LOC112694756: variants seen among roughly 807,000 people sequenced by gnomAD.
the LOC112694756 span, chr16:30,059,104 G>A: frequency 2.5e-6 from 1 of 398,126 alleles, no homozygotes; most frequent in Admixed American, 4.4e-5. Flanking sequence ...ACTGAGGTCT[G>A]GGCTGGGGCT....
the LOC112694756 span, among the ~76,000 whole-genome samples, chr16:30,054,255 G>A: frequency 6.6e-6 from 1 of 150,706 alleles, no homozygotes; most frequent in Non-Finnish European, 1.5e-5. Context: ...GGGTGGCAGA[G>A]GTTGCATGAA....
chr16:30,068,751 G>C, the LOC112694756 span: 1 of 1,614,158 alleles, frequency 6.2e-7, no homozygotes. Flanking sequence ...AGCAGGTTTG[G>C]GTGCTGGGAG....
At chr16:30,055,389 A>G in the LOC112694756 span, 1 of 398,262 alleles carries the variant, frequency 2.5e-6, no homozygotes, top group East Asian at 3.6e-5. Context: ...CGGTGCATTC[A>G]TTTTTTTGCT....
chr16:30,061,423 G>A, the LOC112694756 span, among the ~76,000 whole-genome samples: 2 of 152,164 alleles, frequency 1.3e-5, no homozygotes, highest in Non-Finnish European at 2.9e-5. Flanking sequence ...CCCTGCCCTG[G>A]CAGACCCAGA....
chr16:30,069,000 A>C, the LOC112694756 span: 193 of 1,613,994 alleles, frequency 1.2e-4, no homozygotes, highest in Non-Finnish European at 1.6e-4. Flanking sequence ...GGTCCTCAAT[A>C]GGCAACCTCC....
the LOC112694756 span, chr16:30,055,226 G>C: frequency 1.3e-5 from 5 of 399,382 alleles, no homozygotes; most frequent in Non-Finnish European, 8.8e-6. Context: ...AGGTTCCTCC[G>C]GGCCCCCAGA....
chr16:30,058,923 A>C, the LOC112694756 span: 1 of 398,470 alleles, frequency 2.5e-6, no homozygotes, highest in Non-Finnish European at 4.4e-6. Flanking sequence ...AAGATGGAGA[A>C]GGTCCCCAGC....
chr16:30,068,329 G>C, the LOC112694756 span: 4 of 378,208 alleles, frequency 1.1e-5, no homozygotes, highest in Non-Finnish European at 1.5e-5. Flanking sequence ...CTCCCAAAGT[G>C]CTGGGATTAC....
the LOC112694756 span, chr16:30,067,493 C>T: frequency 4.3e-6 from 7 of 1,613,478 alleles, no homozygotes; most frequent in East Asian, 6.7e-5. Context: ...CCGAGAACAC[C>T]GAGGAGAACC....
chr16:30,069,637 A>G, the LOC112694756 span: 35 of 1,613,736 alleles, frequency 2.2e-5, no homozygotes, highest in Non-Finnish European at 2.6e-5. Flanking sequence ...GGCGACCGTC[A>G]CAGCGCTGCG....
chr16:30,062,806 C>T, the LOC112694756 span, among the ~76,000 whole-genome samples: 1 of 150,870 alleles, frequency 6.6e-6, no homozygotes, highest in African/African-American at 2.4e-5. Context: ...CGCCATTGTG[C>T]TCCAGCCTGG....
the LOC112694756 span, among the ~76,000 whole-genome samples, chr16:30,057,059 C>T: frequency 2.0e-5 from 3 of 151,702 alleles, no homozygotes; most frequent in South Asian, 2.1e-4. Flanking sequence ...TACAGGGATG[C>T]GCCACCACAC....
At chr16:30,069,759 A>C in the LOC112694756 span, 18 of 1,611,820 alleles carry the variant, frequency 1.1e-5, no homozygotes, top group African/African-American at 2.0e-4. Flanking sequence ...TTCCATGGCA[A>C]CTTCCACCAG....
chr16:30,068,426 T>G, the LOC112694756 span: 1 of 627,346 alleles, frequency 1.6e-6, no homozygotes, highest in Non-Finnish European at 2.9e-6. Flanking sequence ...AGATGCAGTT[T>G]AAGGGATTAA....
At chr16:30,065,042 C>G in the LOC112694756 span, among the ~76,000 whole-genome samples, 1 of 152,242 alleles carries the variant, frequency 6.6e-6, no homozygotes, top group African/African-American at 2.4e-5. Context: ...TTCTGGTTTT[C>G]TGTGGCGCAG....
chr16:30,068,139 A>G, the LOC112694756 span: 16 of 248,022 alleles, frequency 6.5e-5, no homozygotes, highest in Non-Finnish European at 1.1e-4. Context: ...CTCTTGGCTC[A>G]CTGCAAGTTC....
chr16:30,066,771 G>T, the LOC112694756 span: 1 of 1,233,136 alleles, frequency 8.1e-7, no homozygotes, highest in South Asian at 1.6e-5. Flanking sequence ...TTGCTGTGTG[G>T]CTTGAAGCAC....
the LOC112694756 span, among the ~76,000 whole-genome samples, chr16:30,057,410 G>T: frequency 1.3e-5 from 2 of 152,272 alleles, no homozygotes; most frequent in East Asian, 1.9e-4. Flanking sequence ...GAATCCTCAG[G>T]GGAGAAGCCT....
the LOC112694756 span, among the ~76,000 whole-genome samples, chr16:30,059,414 T>C: frequency 6.6e-6 from 1 of 151,704 alleles, no homozygotes; most frequent in Non-Finnish European, 1.5e-5. Flanking sequence ...AGGAGAATGC[T>C]GTAAAACCCG....
Sources: allele counts gnomAD v4.1 joint callset (sites outside exome capture counted in the v4.1 genomes callset), GRCh38; gene constraint gnomAD v4.1.1; transcripts MANE v1.5.